MIPOL1: variants seen among roughly 807,000 people sequenced by gnomAD.
MIPOL1 encodes the protein mirror-image polydactyly gene 1 protein.
MIPOL1 carries 57 observed loss-of-function variants against 60.9 expected under a neutral mutation model. That is an observed-to-expected ratio of 0.94 (90% CI 0.76 to 1.17). The LOEUF is 1.17. MIPOL1 is among the 50% of genes most tolerant of loss of function. The pLI is 0.00. For synonymous variants in MIPOL1, 179 were observed against 168.8 expected, an observed-to-expected ratio of 1.06 and a Z score of -0.47; for missense variants, 551 against 511.6, an observed-to-expected ratio of 1.08 and a Z score of -0.74.
intron 9 of MIPOL1, among the ~76,000 whole-genome samples, chr14:37,324,557 G>A (rs2088946140): frequency 1.3e-5 from 2 of 152,016 alleles, no homozygotes; most frequent in African/African-American, 4.8e-5. Context: ...TTGATGGGAA[G>A]AAGTTTTAAA....
At chr14:37,494,634 C>A (rs572559537) in intron 11 of MIPOL1, among the ~76,000 whole-genome samples, 2 of 152,272 alleles carry the variant, frequency 1.3e-5, no homozygotes, top group South Asian at 4.1e-4. Context: ...GGTTCAAATT[C>A]TGGCTCTGCT....
intron 9 of MIPOL1, among the ~76,000 whole-genome samples, chr14:37,316,687 G>A (rs917730603): frequency 6.6e-6 from 1 of 151,054 alleles, no homozygotes; most frequent in African/African-American, 2.4e-5. Context: ...GAAAAGTGAT[G>A]TTTTCAGGGA....
chr14:37,510,273 G>T (rs139789982), intron 12 of MIPOL1, among the ~76,000 whole-genome samples: 2 of 152,100 alleles, frequency 1.3e-5, no homozygotes, highest in African/African-American at 2.4e-5. Context: ...ATGAGACAGG[G>T]TCTTGCTCTG....
In MIPOL1 at chr14:37,546,892, A is replaced by G. The variant is rs752765017; in HGVS notation, c.1263-13A>G. ...TTTTTCCCCTTCTCACCCCCATCCC[A>G]ACCCCAACTTAGGTTGGAAAGGCTG... On this transcript the variant is annotated splice_polypyrimidine_tract_variant and intron_variant, in intron 12 of 12. Coordinates refer to ENST00000684589, the MANE Select transcript of MIPOL1 (RefSeq NM_001388067.1). The G allele has an allele frequency of 6.2e-7, 1 of 1,612,400 alleles. No homozygotes were observed. Among genetic ancestry groups the G allele is most frequent in the East Asian group, 2.2e-5 (1 of 44,850 alleles).
intron 11 of MIPOL1, among the ~76,000 whole-genome samples, chr14:37,493,752 C>T (rs1469534371): frequency 6.6e-6 from 1 of 152,066 alleles, no homozygotes; most frequent in East Asian, 1.9e-4. Flanking sequence ...CATTAGCTTC[C>T]TGGTTAACAG....
chr14:37,293,396 G>A (rs1429525745), intron 7 of MIPOL1, among the ~76,000 whole-genome samples: 1 of 152,216 alleles, frequency 6.6e-6, no homozygotes, highest in African/African-American at 2.4e-5. Context: ...GCAGAAGACG[G>A]GTGATTTCTG....
intron 1 of MIPOL1, among the ~76,000 whole-genome samples, chr14:37,218,761 A>T (rs1968199917): frequency 6.6e-6 from 1 of 151,400 alleles, no homozygotes; most frequent in African/African-American, 2.4e-5. Context: ...ACATGAAGAG[A>T]CTCCGTCTCT....
At chr14:37,333,623 T>C (rs2089901240) in intron 9 of MIPOL1, among the ~76,000 whole-genome samples, 1 of 152,076 alleles carries the variant, frequency 6.6e-6, no homozygotes, top group Admixed American at 6.5e-5. Flanking sequence ...TGAAGTAGGC[T>C]TAAAGGCAAG....
intron 1 of MIPOL1, among the ~76,000 whole-genome samples, chr14:37,213,566 C>T (rs1038560634): frequency 5.9e-5 from 9 of 152,076 alleles, no homozygotes; most frequent in African/African-American, 2.2e-4. Context: ...AGCATGCCTA[C>T]AGGATCCAGA....
At chr14:37,273,081 A>G (rs2083410879) in intron 6 of MIPOL1, among the ~76,000 whole-genome samples, 1 of 151,318 alleles carries the variant, frequency 6.6e-6, no homozygotes, top group Non-Finnish European at 1.5e-5. Flanking sequence ...CCATAAGGGA[A>G]TTATTAAATA....
Position 37,276,364 on chromosome 14 carries a change from A to G in MIPOL1, c.493+5839A>G, listed in dbSNP as rs114898819. 1.3e-3 allele frequency: 204 copies of G among 151,204 alleles called. 1 individual carries two copies. The highest frequency in any genetic ancestry group is 4.6e-3 in the African/African-American group (191 of 41,488). 9.4% of individuals were successfully genotyped at this position (151,204 alleles called of 1,614,324 possible). ...GAGTTTAATTGTGATTGTTCAAAGG[A>G]TCAGTCACAGAATCCCTGAAACTTA... On this transcript the variant is annotated intron_variant, in intron 6 of 12. Transcript: ENST00000684589.
At chr14:37,510,719 T>TGTTATACTGTTA (rs2095321448) in intron 12 of MIPOL1, among the ~76,000 whole-genome samples, 1 of 152,144 alleles carries the variant, frequency 6.6e-6, no homozygotes, top group Non-Finnish European at 1.5e-5. Context: ...ATTTAGTAGT[T>TGTTATACTGTTA]TCAGAGAATA....
At chr14:37,403,360 TA>T (rs1419652519) in intron 10 of MIPOL1, among the ~76,000 whole-genome samples, 1 of 151,360 alleles carries the variant, frequency 6.6e-6, no homozygotes, top group African/African-American at 2.4e-5. Flanking sequence ...TTTTGTTTTA[TA>T]ATTATGTAAA....
At chr14:37,463,170 T>A (rs1200811672) in intron 11 of MIPOL1, among the ~76,000 whole-genome samples, 1 of 152,196 alleles carries the variant, frequency 6.6e-6, no homozygotes, top group Non-Finnish European at 1.5e-5. Context: ...TCACATCTTA[T>A]GTGGATGTCA....
chr14:37,272,044 T>C (rs2083335497), intron 6 of MIPOL1, among the ~76,000 whole-genome samples: 1 of 151,530 alleles, frequency 6.6e-6, no homozygotes, highest in Non-Finnish European at 1.5e-5. Flanking sequence ...GAATCAGGCA[T>C]TCATAACATG....
rs113966874 is a variant in MIPOL1 at position 37,413,112 on chromosome 14, C to T, written c.937-9743C>T. Among the ~76,000 whole-genome samples the T allele has an allele frequency of 4.7e-3, 720 of 152,136 alleles. 4 individuals are homozygous for T. Among genetic ancestry groups the T allele is most frequent in the African/African-American group, 0.015 (638 of 41,540 alleles). ...TGCCAGCATGAATGGTTTATACTAA[C>T]TTCAATATTATCAAATACTTAATAC... On this transcript the variant is annotated intron_variant, in intron 10 of 12. Coordinates refer to ENST00000684589, the MANE Select transcript of MIPOL1 (RefSeq NM_001388067.1).
At chr14:37,211,560 C>G (rs975594150) in intron 1 of MIPOL1, among the ~76,000 whole-genome samples, 1 of 152,100 alleles carries the variant, frequency 6.6e-6, no homozygotes, top group Non-Finnish European at 1.5e-5. Context: ...CCCAGTGGTC[C>G]AAATCTGAGT....
At chr14:37,204,114 C>T (rs79902031) in intron 1 of MIPOL1, among the ~76,000 whole-genome samples, 8 of 152,128 alleles carry the variant, frequency 5.3e-5, no homozygotes, top group Admixed American at 1.3e-4. Context: ...CAACGACCAC[C>T]GAGAGAGTTT....
intron 12 of MIPOL1, among the ~76,000 whole-genome samples, chr14:37,542,657 C>T (rs909798065): frequency 6.6e-6 from 1 of 152,070 alleles, no homozygotes; most frequent in African/African-American, 2.4e-5. Context: ...CCTTTACAGA[C>T]CTTTCCTCTC....
Sources: allele counts gnomAD v4.1 joint callset (sites outside exome capture counted in the v4.1 genomes callset), GRCh38; gene constraint gnomAD v4.1.1; transcripts MANE v1.5; gene names NCBI Gene and HGNC (gene_info 2026-07-23, HGNC 2026-07-21).